PRR12: variants seen among roughly 807,000 people sequenced by gnomAD.
The protein encoded by PRR12 is proline-rich protein 12.
PRR12 carries 12 observed loss-of-function variants against 138.0 expected under a neutral mutation model. The ratio of observed to expected loss-of-function variants is 0.09; its 90% CI spans 0.06 to 0.14. The LOEUF (loss-of-function observed/expected upper bound fraction) is 0.14. Among genes scored for constraint, PRR12 ranks in the 10% least tolerant of loss-of-function variants. The pLI, the probability that PRR12 is intolerant of heterozygous loss-of-function variation, is 1.00. For synonymous variants in PRR12, 1,567 were observed against 1,291.7 expected (o/e 1.21, Z -4.57); for missense variants, 2,692 against 2,861.3 (o/e 0.94, Z 1.35).
Position 49,614,552 on chromosome 19 carries a change from G to A in PRR12, c.4793G>A (p.Arg1598His), listed in dbSNP as rs1194327793. The change falls in exon 7 of 14, where the codon CGT becomes CAT. Residue 1598 changes from arginine (R) to histidine (H), a missense_variant. By Grantham distance (29) the Arg-to-His change is conservative. Coordinates refer to ENST00000418929, the MANE Select transcript of PRR12 (RefSeq NM_020719.3). This position sits in a 1 kb window ranked among gnomAD's most constrained non-coding sequence, Gnocchi z 5.0. Reference protein sequence around the residue: ...PSLKLALQTGREPPPIWRVQK... With the variant: ...PSLKLALQTGHEPPPIWRVQK... ...CCTCAGCTGGCGTTGCAGACGGGGCGTGAACCCCCACCCATCTGGCGAGTC... is the reference window on the plus strand; with the variant it reads ...CCTCAGCTGGCGTTGCAGACGGGGCATGAACCCCCACCCATCTGGCGAGTC... 2.6e-6 allele frequency: 4 copies of A among 1,554,072 alleles called. No homozygotes were observed. The highest frequency in any genetic ancestry group is 2.7e-5 in the African/African-American group (2 of 73,172).
Position 49,595,229 on chromosome 19 carries a change from C to T in PRR12, c.894C>T (p.Ala298=), listed in dbSNP as rs751684783. The part of the protein sequence containing the change: ...VIKHYQRPAS[A]QPPPPPPPAH... ...AGCACTACCAGCGGCCAGCCAGTGC[C>T]CAGCCCCCACCACCCCCGCCACCAG... Residue 298 remains alanine, a synonymous_variant, in exon 4 of 14, where the codon GCC becomes GCT. Coordinates refer to ENST00000418929, the MANE Select transcript of PRR12 (RefSeq NM_020719.3). 4.5e-6 allele frequency: 7 copies of T among 1,545,872 alleles called. No homozygotes were observed. Among genetic ancestry groups the T allele is most frequent in the Non-Finnish European group, 6.1e-6 (7 of 1,144,970 alleles).
intron 6 of PRR12, among the ~76,000 whole-genome samples, chr19:49,605,542 A>G (rs533010482): frequency 6.6e-6 from 1 of 152,216 alleles, no homozygotes; most frequent in Non-Finnish European, 1.5e-5. Context: ...GATTATAGGC[A>G]TGAGCCACTG....
rs1158422199 is a variant in PRR12, at chr19:49,591,531, G to C, written c.-124G>C. On this transcript the variant is annotated 5_prime_UTR_variant, in exon 1 of 14. Transcript: ENST00000418929. ...CCTTCGGCGGCTGCAAAGAAAAAAA[G>C]AGAGAGAGAAAAGGGGGGAAAAAAA... 3.2e-6 allele frequency: 1 copy of C among 310,704 alleles called. No homozygotes were observed. Among genetic ancestry groups the C allele is most frequent in the Non-Finnish European group, 5.1e-6 (1 of 196,320 alleles). 19.2% of individuals were successfully genotyped at this position (310,704 alleles called of 1,614,324 possible).
chr19:49,591,855 C>T (rs1195873256), intron 1 of PRR12, 115 bp downstream of exon 1: 2 of 557,274 alleles, frequency 3.6e-6, no homozygotes, highest in Non-Finnish European at 5.7e-6. Context: ...TCCCCTCCGG[C>T]TTGCAAGGGA....
At position 49,599,831 on chromosome 19, in the gene PRR12, C is replaced by G. The variant is rs763071091; in HGVS notation, c.4238C>G (p.Pro1413Arg). The G allele has an allele frequency of 2.3e-5, 37 of 1,613,326 alleles. No homozygotes were observed. The highest frequency in any genetic ancestry group is 5.0e-5 in the Admixed American group (3 of 60,002). The change falls in exon 5 of 14, where the codon CCA (proline) becomes CGA (arginine). Residue 1413 changes from proline (P) to arginine (R), a missense_variant. Physicochemically the swap from Pro to Arg is moderately radical, Grantham distance 103. This residue lies in a region of PRR12 where 231 missense variants were observed against 200.8 expected (regional missense o/e 1.15). Coordinates refer to ENST00000418929, the MANE Select transcript of PRR12 (RefSeq NM_020719.3). The surrounding 1 kb of genome is among the most constrained non-coding windows in gnomAD (Gnocchi z 5.0). Reference sequence around the variant, plus strand: ...CTCGATGACCCACCCCTTGCTGGGCCAAAAGACACTTCCACCCCAGATGGG... The same window carrying G: ...CTCGATGACCCACCCCTTGCTGGGCGAAAAGACACTTCCACCCCAGATGGG... ...SALDDPPLAG[P>R]KDTSTPDGPP...
At position 49,597,284 on chromosome 19, in the gene PRR12, C is replaced by T. The variant is rs750683720; in HGVS notation, c.2949C>T (p.Gly983=). The stretch of plus-strand genomic sequence containing the variant: ...AGGCTGGCGCTGGGCCACCCCCCGG[C>T]CCCCCTGCTTATGATCCCTATGGGC... ...DPKAGAGPPP[G]PPAYDPYGPY... The change falls in exon 4 of 14, where the codon GGC becomes GGT. Residue 983 remains glycine, a synonymous_variant. Transcript: ENST00000418929. This position sits in a 1 kb window ranked among gnomAD's most constrained non-coding sequence, Gnocchi z 6.3. The T allele has an allele frequency of 1.5e-5, 23 of 1,562,334 alleles. No individual in the cohort carries two copies. In the African/African-American group the frequency reaches 2.3e-4, roughly 16 times the overall value.
chr19:49,610,658 C>T (rs2122342822), intron 6 of PRR12, among the ~76,000 whole-genome samples: 1 of 150,372 alleles, frequency 6.7e-6, no homozygotes, highest in South Asian at 2.1e-4. Flanking sequence ...TCTCCTGCCT[C>T]AGCCTCTCAA....
intron 2 of PRR12, among the ~76,000 whole-genome samples, 167 bp downstream of exon 2, chr19:49,593,606 C>G (rs1295482715): frequency 1.3e-5 from 2 of 152,088 alleles, no homozygotes; most frequent in East Asian, 3.9e-4. Context: ...CTGGTCGCTG[C>G]TTCATTTCTC....
At chr19:49,621,872 T>G (rs57180225) in intron 11 of PRR12, 20,686 of 523,562 alleles carry the variant, frequency 0.04, 668 homozygotes, top group South Asian at 0.1. Flanking sequence ...GGCTGTTGTT[T>G]CGGAGAACAA....
chr19:49,591,198 C>A lies in PRR12; in HGVS notation c.-457C>A, dbSNP rs1351414191. ...CTTCCCCTCCCCCCTCCCCCAGCCG[C>A]CTTGTGCAAAGATGGCTGCACCGTG... On this transcript the variant is annotated 5_prime_UTR_variant, in exon 1 of 14. Coordinates refer to ENST00000418929, the MANE Select transcript of PRR12 (RefSeq NM_020719.3). 6.8e-6 allele frequency among the ~76,000 whole-genome samples: 1 copy of A among 147,888 alleles called. No homozygotes were observed. Among genetic ancestry groups the A allele is most frequent in the African/African-American group, 2.5e-5 (1 of 39,912 alleles).
chr19:49,615,737 TC>T lies in PRR12; in HGVS notation c.5025-7del. On this transcript the variant is annotated splice_polypyrimidine_tract_variant and intron_variant, in intron 8 of 13. Coordinates refer to ENST00000418929, the MANE Select transcript of PRR12 (RefSeq NM_020719.3). Reference sequence around the variant, plus strand: ...CTGCTGACTACAGTCCCTTCTCTGTTCCCTTCTAGACGCTCTGGGCAGGCCA... The same window carrying T: ...CTGCTGACTACAGTCCCTTCTCTGTTCCTTCTAGACGCTCTGGGCAGGCCA... 6.2e-7 allele frequency: 1 copy of T among 1,609,502 alleles called. No homozygotes were observed. Among genetic ancestry groups the T allele is most frequent in the South Asian group, 1.1e-5 (1 of 90,460 alleles).
chr19:49,618,774 G>A (rs2080905428), intron 9 of PRR12, among the ~76,000 whole-genome samples: 2 of 151,738 alleles, frequency 1.3e-5, no homozygotes, highest in South Asian at 4.2e-4. Context: ...CCTTTCCCAG[G>A]CCTGCCCAGC....
Position 49,594,372 on chromosome 19 carries a change from T to G in PRR12, c.200-82T>G. ...ATCCCCTCCTTTTCCTGATCCAACT[T>G]GCTTTTGGCCTCTTCCCTTTCTCTC... On this transcript the variant is annotated intron_variant, in intron 2 of 13. Coordinates refer to ENST00000418929, the MANE Select transcript of PRR12 (RefSeq NM_020719.3). This position sits in a 1 kb window ranked among gnomAD's most constrained non-coding sequence, Gnocchi z 5.6. 7.3e-7 allele frequency: 1 copy of G among 1,368,168 alleles called. No individual in the cohort carries two copies. Among genetic ancestry groups the G allele is most frequent in the Non-Finnish European group, 9.9e-7 (1 of 1,008,672 alleles). 84.8% of individuals were successfully genotyped at this position (1,368,168 alleles called of 1,614,324 possible). A position where few individuals can be genotyped will look rare whatever the true frequency, so the allele number is the denominator to read the frequency against.
chr19:49,599,280 G>A lies in PRR12; in HGVS notation c.3687G>A (p.Leu1229=). The change falls in exon 5 of 14, where the codon CTG becomes CTA. Residue 1229 remains leucine, a synonymous_variant. Coordinates refer to ENST00000418929, the MANE Select transcript of PRR12 (RefSeq NM_020719.3). The surrounding 1 kb of genome is among the most constrained non-coding windows in gnomAD (Gnocchi z 5.0). The stretch of plus-strand genomic sequence containing the variant: ...GCCACTCCCATGTCTAGATCAAGCT[G>A]TCTGTGCCCAAGGCTGGCGAGGGTC... ...LEPLKPLKIK[L]SVPKAGEGLG... 6.3e-7 allele frequency: 1 copy of A among 1,599,846 alleles called. No individual in the cohort carries two copies. Among genetic ancestry groups the A allele is most frequent in the Non-Finnish European group, 8.5e-7 (1 of 1,172,146 alleles).
At chr19:49,608,063 T>C (rs2080847574) in intron 6 of PRR12, among the ~76,000 whole-genome samples, 1 of 152,114 alleles carries the variant, frequency 6.6e-6, no homozygotes, top group Non-Finnish European at 1.5e-5. Context: ...TTAATATTAT[T>C]AAATGGGGTA....
chr19:49,597,374 C>G lies in PRR12; in HGVS notation c.3039C>G (p.Asn1013Lys), dbSNP rs771441187. The G allele has an allele frequency of 2.0e-6, 3 of 1,538,258 alleles. No individual in the cohort carries two copies. Among genetic ancestry groups the G allele is most frequent in the South Asian group, 2.4e-5 (2 of 84,050 alleles). The change falls in exon 4 of 14, where the codon AAC becomes AAG. Residue 1013 changes from asparagine (N) to lysine (K), a missense_variant. This residue lies in a region of PRR12 where 840 missense variants were observed against 689.8 expected (regional missense o/e 1.22). Transcript: ENST00000418929. The surrounding 1 kb of genome is among the most constrained non-coding windows in gnomAD (Gnocchi z 6.3). Reference sequence around the variant, plus strand: ...CACCGGGCCTGGGCCTGGACCCCAACAAACCGCCTGAACTGCCCTCCACGG... The same window carrying G: ...CACCGGGCCTGGGCCTGGACCCCAAGAAACCGCCTGAACTGCCCTCCACGG... ...PETPGLGLDP[N>K]KPPELPSTVN... is the part of the protein sequence containing the mutation.
intron 11 of PRR12, 30 bp from the exon 12 acceptor site, chr19:49,624,814 G>T (rs57119643): frequency 0.04 from 63,794 of 1,603,570 alleles, 1,828 homozygotes; most frequent in South Asian, 0.11. Context: ...ATCCAGGGCA[G>T]CATCCAGCTG....
At chr19:49,615,137 G>C in intron 8 of PRR12, 128 bp downstream of exon 8, 1 of 1,350,036 alleles carries the variant, frequency 7.4e-7, no homozygotes, top group Non-Finnish European at 1.0e-6. Flanking sequence ...CCCAGAGAGA[G>C]AGGGGGACAG....
intron 6 of PRR12, among the ~76,000 whole-genome samples, chr19:49,605,114 G>A (rs1009457338): frequency 6.6e-6 from 1 of 151,922 alleles, no homozygotes; most frequent in Non-Finnish European, 1.5e-5. Context: ...GCCTCCCAAA[G>A]TGCTGGGATT....
Sources: gnomAD v4.1 joint callset for allele counts (sites outside exome capture counted in the v4.1 genomes callset) on GRCh38, gnomAD v4.1.1 for gene constraint, gnomAD v4.1.1 regional missense constraint, Gnocchi (gnomAD v3.1) non-coding constraint, MANE v1.5 for transcripts, NCBI Gene and HGNC (gene_info 2026-07-23, HGNC 2026-07-21) for gene names.